Variants in LYPD6 observed in about 807,000 individuals in gnomAD.
The protein encoded by LYPD6 is ly6/PLAUR domain-containing protein 6.
In LYPD6, 15 loss-of-function variants were observed where a neutral mutation model predicts 22.7. The observed-to-expected ratio is 0.66, with a 90% CI of 0.44 to 1.02. The LOEUF is 1.02. Ranked by LOEUF, LYPD6 falls within the 50% of genes least tolerant of loss-of-function variation. The probability of loss-of-function intolerance (pLI) is 0.00; values close to 1 mark genes in which losing one functional copy is unlikely to be tolerated. For missense variants in LYPD6, 189 were observed against 208.4 expected, an observed-to-expected ratio of 0.91 and a Z score of 0.57; for synonymous variants, 72 against 77.5, an observed-to-expected ratio of 0.93 and a Z score of 0.37.
At chr2:149,337,190 T>C (rs1681050968) in intron 1 of LYPD6, among the ~76,000 whole-genome samples, 1 of 152,158 alleles carries the variant, frequency 6.6e-6, no homozygotes, top group South Asian at 2.1e-4. Context: ...CCTTGGTGTC[T>C]AGCACAGAAG....
intron 1 of LYPD6, among the ~76,000 whole-genome samples, chr2:149,436,852 A>T (rs1286318797): frequency 6.6e-6 from 1 of 152,218 alleles, no homozygotes; most frequent in Non-Finnish European, 1.5e-5. Flanking sequence ...AAGTGCTGGG[A>T]TTACAGGCAT....
At chr2:149,435,426 C>G (rs1267734219) in intron 1 of LYPD6, among the ~76,000 whole-genome samples, 1 of 152,168 alleles carries the variant, frequency 6.6e-6, no homozygotes, top group Admixed American at 6.5e-5. Flanking sequence ...AAACTGAGCC[C>G]TGCTACGTAC....
intron 3 of LYPD6, among the ~76,000 whole-genome samples, chr2:149,459,389 G>T (rs1201591985): frequency 6.6e-6 from 1 of 152,162 alleles, no homozygotes; most frequent in African/African-American, 2.4e-5. Context: ...TAAAAGAATG[G>T]CTGAAGGAAG....
intron 3 of LYPD6, among the ~76,000 whole-genome samples, chr2:149,461,060 A>T (rs1384240855): frequency 6.6e-6 from 1 of 152,068 alleles, no homozygotes; most frequent in East Asian, 1.9e-4. Context: ...CATCAAGAAG[A>T]TGAAAAAGGA....
At chr2:149,470,587 T>C in intron 4 of LYPD6, 96 bp from the exon 5 acceptor site, 1 of 1,031,698 alleles carries the variant, frequency 9.7e-7, no homozygotes, top group Non-Finnish European at 1.5e-6. Context: ...AATTTTTACT[T>C]GCATCTTGCC....
At chr2:149,330,842 T>C (rs925248184) in intron 1 of LYPD6, 120 bp downstream of exon 1, 3 of 152,270 alleles carry the variant, frequency 2.0e-5, no homozygotes, top group Admixed American at 6.5e-5. Flanking sequence ...AACTACCCGA[T>C]GCTAGGGCAG....
chr2:149,421,984 G>A (rs1017744037), intron 1 of LYPD6, among the ~76,000 whole-genome samples: 13 of 152,074 alleles, frequency 8.5e-5, no homozygotes, highest in Non-Finnish European at 1.5e-5. Context: ...TCTGACAGGT[G>A]GTGACCCAGG....
At chr2:149,373,455 G>A (rs1259002302) in intron 1 of LYPD6, among the ~76,000 whole-genome samples, 2 of 152,188 alleles carry the variant, frequency 1.3e-5, no homozygotes, top group Non-Finnish European at 2.9e-5. Flanking sequence ...TGTGTCCTGA[G>A]AAATTGCCAC....
intron 1 of LYPD6, among the ~76,000 whole-genome samples, chr2:149,391,410 G>A (rs574366406): frequency 3.3e-5 from 5 of 151,780 alleles, no homozygotes; most frequent in East Asian, 1.9e-4. Context: ...CTAAAGAAAC[G>A]CACCTTAAGG....
downstream of LYPD6, chr2:149,474,189 C>A (rs1271339647): frequency 2.0e-5 from 3 of 151,230 alleles, no homozygotes; most frequent in Non-Finnish European, 4.4e-5. Context: ...TTCTCCTCCT[C>A]TTTTTTTTTG....
chr2:149,404,110 G>C (rs1474785362), intron 1 of LYPD6, among the ~76,000 whole-genome samples: 1 of 152,160 alleles, frequency 6.6e-6, no homozygotes, highest in South Asian at 2.1e-4. Flanking sequence ...TTTGGTACCA[G>C]TACCATGCTG....
intron 3 of LYPD6, among the ~76,000 whole-genome samples, chr2:149,467,128 G>A (rs1337938018): frequency 6.6e-6 from 1 of 152,150 alleles, no homozygotes; most frequent in Admixed American, 6.6e-5. Context: ...TAGGGCTTTG[G>A]GATAATTATT....
At chr2:149,478,139 G>A (rs1455253663), downstream of LYPD6, among the ~76,000 whole-genome samples, 17 of 152,102 alleles carry the variant, frequency 1.1e-4, no homozygotes, top group Admixed American at 9.2e-4. Context: ...GAGCACTCCA[G>A]ACCAACTTGA....
chr2:149,431,185 G>T (rs768891149), intron 1 of LYPD6, among the ~76,000 whole-genome samples: 25 of 152,202 alleles, frequency 1.6e-4, no homozygotes, highest in Non-Finnish European at 3.1e-4. Context: ...CTGTGAAAAT[G>T]AGAGTGTACT....
chr2:149,330,521 T>A (rs892442476), upstream of LYPD6: 20 of 149,150 alleles, frequency 1.3e-4, no homozygotes, highest in African/African-American at 4.9e-4. Flanking sequence ...CGGCGGCCAG[T>A]GCCCGGCGCG....
At chr2:149,343,310 TATC>T (rs1197254710) in intron 1 of LYPD6, among the ~76,000 whole-genome samples, 1 of 152,056 alleles carries the variant, frequency 6.6e-6, no homozygotes, top group African/African-American at 2.4e-5. Flanking sequence ...ATAAAGAAAG[TATC>T]ATCTACTTTA....
chr2:149,443,930 C>CTTTTTTTT, intron 2 of LYPD6, among the ~76,000 whole-genome samples: 1 of 114,106 alleles, frequency 8.8e-6, no homozygotes, highest in Non-Finnish European at 1.8e-5. Flanking sequence ...ATGTGCATAT[C>CTTTTTTTT]TTTTTTTTTT....
chr2:149,419,399 T>C (rs1683030762), intron 1 of LYPD6, among the ~76,000 whole-genome samples: 1 of 152,236 alleles, frequency 6.6e-6, no homozygotes, highest in Non-Finnish European at 1.5e-5. Context: ...TGGATTTTAT[T>C]CATTTATCAT....
intron 3 of LYPD6, among the ~76,000 whole-genome samples, chr2:149,459,617 T>C (rs1205883097): frequency 6.6e-6 from 1 of 152,104 alleles, no homozygotes; most frequent in African/African-American, 2.4e-5. Context: ...ACAATTATAT[T>C]ACGGCCAGGC....
Sources: gnomAD v4.1 joint callset for allele counts (sites outside exome capture counted in the v4.1 genomes callset) on GRCh38, gnomAD v4.1.1 for gene constraint, MANE v1.5 for transcripts, NCBI Gene and HGNC (gene_info 2026-07-23, HGNC 2026-07-21) for gene names.